NUP205: variants seen among roughly 807,000 people sequenced by gnomAD.
NUP205 encodes the protein nuclear pore complex protein Nup205.
In NUP205, 76 loss-of-function variants were observed where a neutral mutation model predicts 253.8. The observed-to-expected ratio is 0.30, with a 90% CI of 0.25 to 0.36. The LOEUF is 0.36. Among genes scored for constraint, NUP205 ranks in the 10% least tolerant of loss-of-function variants. The probability of loss-of-function intolerance (pLI) is 1.00; values close to 1 mark genes in which losing one functional copy is unlikely to be tolerated. For missense variants in NUP205, 2,162 were observed against 2,425.5 expected (o/e 0.89, Z 2.28); for synonymous variants, 832 against 850.1 (o/e 0.98, Z 0.37).
At chr7:135,614,739 T>C (rs1794317507) in intron 23 of NUP205, among the ~76,000 whole-genome samples, 2 of 152,368 alleles carry the variant, frequency 1.3e-5, no homozygotes, top group South Asian at 4.1e-4. Flanking sequence ...TTTATTGACA[T>C]GGCTAACAAT....
chr7:135,607,451 A>G (rs1339483233), intron 22 of NUP205, 80 bp downstream of exon 22: 5 of 1,459,688 alleles, frequency 3.4e-6, no homozygotes, highest in Middle Eastern at 2.3e-4. Flanking sequence ...ATATGACAGT[A>G]TAACAGCAGG....
chr7:135,604,033 G>A (rs569536378), intron 18 of NUP205, among the ~76,000 whole-genome samples: 1 of 152,180 alleles, frequency 6.6e-6, no homozygotes, highest in African/African-American at 2.4e-5. Flanking sequence ...CTTTTTATGA[G>A]GACACCAGTC....
At chr7:135,619,998 G>A (rs1794443661) in intron 30 of NUP205, 110 bp downstream of exon 30, 1 of 714,162 alleles carries the variant, frequency 1.4e-6, no homozygotes, top group Non-Finnish European at 2.4e-6. Flanking sequence ...TAAAAAATGA[G>A]TGTTAGTGTC....
chr7:135,614,325 A>G (rs762719311), intron 23 of NUP205, 52 bp downstream of exon 23: 1 of 973,348 alleles, frequency 1.0e-6, no homozygotes, highest in Non-Finnish European at 1.7e-6. Flanking sequence ...ATTCCATGTT[A>G]AGTGATTTTA....
intron 3 of NUP205, among the ~76,000 whole-genome samples, 184 bp downstream of exon 3, chr7:135,574,009 G>T (rs1262811293): frequency 6.6e-6 from 1 of 151,818 alleles, no homozygotes; most frequent in Non-Finnish European, 1.5e-5. Context: ...GTCTCGCTCT[G>T]TTGCCCAGGC....
At chr7:135,564,549 G>GTT (rs1372051461) in intron 1 of NUP205, among the ~76,000 whole-genome samples, 5 of 147,150 alleles carry the variant, frequency 3.4e-5, no homozygotes, top group African/African-American at 7.5e-5. Context: ...CGCCCGGCCT[G>GTT]TTTTTTTTTT....
Position 135,638,558 on chromosome 7 carries a change from T to C in NUP205, c.5267T>C (p.Ile1756Thr). The C allele has an allele frequency of 6.2e-7, 1 of 1,613,600 alleles. No homozygotes were observed. Among genetic ancestry groups the C allele is most frequent in the African/African-American group, 1.3e-5 (1 of 75,024 alleles). Residue 1756 changes from isoleucine to threonine, a missense_variant and splice_region_variant, in exon 38 of 43, where the codon ATT becomes ACT. Transcript: ENST00000285968. ...KDEIELAMQQ[I>T]CANVMEYCQS... ...TTTGTTACTGTTTTTTGATTATAGA[T>C]TTGTGCCAATGTAATGGAATATTGC... is the stretch of plus-strand genomic sequence containing the variant.
intron 32 of NUP205, 100 bp downstream of exon 32, chr7:135,625,455 C>T: frequency 2.2e-6 from 2 of 915,212 alleles, no homozygotes; most frequent in South Asian, 4.3e-5. Context: ...CTGAATATTT[C>T]TATCATAAGC....
At chr7:135,561,271 G>A (rs7810084) in intron 1 of NUP205, among the ~76,000 whole-genome samples, 70,978 of 151,852 alleles carry the variant, frequency 0.47, 17,757 homozygotes, top group Middle Eastern at 0.64. Flanking sequence ...TTGAACCCAG[G>A]AGGAGGAGGT....
chr7:135,565,898 G>A (rs961074766), intron 1 of NUP205, among the ~76,000 whole-genome samples: 2 of 152,086 alleles, frequency 1.3e-5, no homozygotes, highest in African/African-American at 4.8e-5. Flanking sequence ...TCTATCCTTT[G>A]CAGTTAGAGA....
intron 8 of NUP205, among the ~76,000 whole-genome samples, chr7:135,586,979 C>T (rs1806480859): frequency 2.7e-5 from 4 of 150,800 alleles, no homozygotes; most frequent in Admixed American, 2.6e-4. Context: ...TACTGATTTT[C>T]TGTGTACTTG....
rs1265892157 is a variant in NUP205 at position 135,598,909 on chromosome 7, TC to T, written c.2274+704del. ...GCCACTAAGCTATGTAAGAGACTCTTCCAGGTTCTGATGTAATTCACGTTAG... is the reference window on the plus strand; with the variant it reads ...GCCACTAAGCTATGTAAGAGACTCTTCAGGTTCTGATGTAATTCACGTTAG... On this transcript the variant is annotated intron_variant, in intron 15 of 42. Coordinates refer to ENST00000285968, the MANE Select transcript of NUP205 (RefSeq NM_015135.3). 2.0e-5 allele frequency: 3 copies of T among 152,206 alleles called. No individual in the cohort carries two copies. The East Asian group carries it at 5.8e-4, about 29-fold the overall frequency. 9.4% of individuals were successfully genotyped at this position (152,206 alleles called of 1,614,324 possible). A position where few individuals can be genotyped will look rare whatever the true frequency, so the allele number is the denominator to read the frequency against.
At chr7:135,627,096 A>C (rs1000303224) in intron 33 of NUP205, among the ~76,000 whole-genome samples, 3 of 152,178 alleles carry the variant, frequency 2.0e-5, no homozygotes, top group Non-Finnish European at 2.9e-5. Context: ...GGGTTGAGTT[A>C]AATACTCTTT....
At chr7:135,622,359 G>T (rs1794490007) in intron 30 of NUP205, among the ~76,000 whole-genome samples, 1 of 150,636 alleles carries the variant, frequency 6.6e-6, no homozygotes, top group Non-Finnish European at 1.5e-5. Context: ...GGAGGTGGAG[G>T]CTGCAGTGAG....
chr7:135,595,665 C>T (rs1200091666), intron 13 of NUP205, among the ~76,000 whole-genome samples: 2 of 152,036 alleles, frequency 1.3e-5, no homozygotes, highest in African/African-American at 2.4e-5. Flanking sequence ...GGGAATGTAC[C>T]TTTGCTGATG....
intron 36 of NUP205, 111 bp downstream of exon 36, chr7:135,635,768 CTTT>C: frequency 1.7e-6 from 1 of 589,948 alleles, no homozygotes; most frequent in Non-Finnish European, 3.0e-6. Context: ...TGTTTTGGTT[CTTT>C]AGTTTTTCTA....
At chr7:135,561,922 T>C (rs1421571660) in intron 1 of NUP205, among the ~76,000 whole-genome samples, 2 of 151,154 alleles carry the variant, frequency 1.3e-5, no homozygotes, top group African/African-American at 4.9e-5. Flanking sequence ...CTTCCCTCCT[T>C]CCTTCCTTCC....
intron 10 of NUP205, among the ~76,000 whole-genome samples, chr7:135,591,099 G>C (rs907176537): frequency 6.6e-6 from 1 of 152,042 alleles, no homozygotes; most frequent in Non-Finnish European, 1.5e-5. Context: ...ATTTGGCTGG[G>C]ATATAGGAAC....
intron 7 of NUP205, among the ~76,000 whole-genome samples, chr7:135,583,633 AC>A (rs1806370539): frequency 6.6e-6 from 1 of 151,844 alleles, no homozygotes; most frequent in African/African-American, 2.4e-5. Context: ...GTTGGCGCAC[AC>A]CTATAATCCC....
Sources: gnomAD v4.1 joint callset for allele counts (sites outside exome capture counted in the v4.1 genomes callset) on GRCh38, gnomAD v4.1.1 for gene constraint, MANE v1.5 for transcripts, NCBI Gene and HGNC (gene_info 2026-07-23, HGNC 2026-07-21) for gene names.